Variants in TMEFF2 observed in about 807,000 individuals in gnomAD.
TMEFF2 encodes transmembrane protein with EGF like and two follistatin like domains 2.
In TMEFF2, 28 loss-of-function variants were observed where a neutral mutation model predicts 53.8. The observed-to-expected ratio is 0.52, with a 90% CI of 0.39 to 0.71. The LOEUF is 0.71. Among genes scored for constraint, TMEFF2 ranks in the 30% least tolerant of loss-of-function variants. The pLI, the probability that TMEFF2 is intolerant of heterozygous loss-of-function variation, is 0.00. For missense variants in TMEFF2, 353 were observed against 455.2 expected, an observed-to-expected ratio of 0.78 and a Z score of 2.04; for synonymous variants, 162 against 166.3, an observed-to-expected ratio of 0.97 and a Z score of 0.20.
chr2:192,062,165 A>G (rs938304299), intron 4 of TMEFF2, among the ~76,000 whole-genome samples: 13 of 152,042 alleles, frequency 8.6e-5, no homozygotes, highest in African/African-American at 2.9e-4. Flanking sequence ...TTGCCCTACC[A>G]CTACCCTGTC....
At chr2:192,150,133 G>A (rs1690349341) in intron 4 of TMEFF2, among the ~76,000 whole-genome samples, 1 of 151,816 alleles carries the variant, frequency 6.6e-6, no homozygotes, top group Non-Finnish European at 1.5e-5. Context: ...TAACTAACAA[G>A]TGAACAAATA....
At chr2:192,017,418 C>CAGG (rs1686766949) in intron 5 of TMEFF2, among the ~76,000 whole-genome samples, 1 of 152,094 alleles carries the variant, frequency 6.6e-6, no homozygotes, top group Non-Finnish European at 1.5e-5. Flanking sequence ...GAGATTGAGA[C>CAGG]AGGAAGCAGG....
chr2:192,043,153 G>T (rs1413619333), intron 5 of TMEFF2, among the ~76,000 whole-genome samples: 2 of 152,192 alleles, frequency 1.3e-5, no homozygotes, highest in Non-Finnish European at 2.9e-5. Flanking sequence ...TTCCTTGCTA[G>T]TGTTTTAGGA....
intron 3 of TMEFF2, among the ~76,000 whole-genome samples, chr2:192,182,694 T>C (rs925092355): frequency 6.6e-6 from 1 of 151,992 alleles, no homozygotes; most frequent in Admixed American, 6.6e-5. Context: ...GCAATTCTCA[T>C]GTGGCTATTG....
At chr2:191,955,604 G>C (rs1055442489) in intron 8 of TMEFF2, among the ~76,000 whole-genome samples, 6 of 131,078 alleles carry the variant, frequency 4.6e-5, no homozygotes, top group Non-Finnish European at 7.7e-5. Context: ...CTCTCACCTT[G>C]GCTTCCCAAA....
At chr2:192,168,438 T>C (rs1431354218) in intron 4 of TMEFF2, among the ~76,000 whole-genome samples, 3 of 152,066 alleles carry the variant, frequency 2.0e-5, no homozygotes, top group Non-Finnish European at 2.9e-5. Context: ...AATAAGTAAT[T>C]TGGATGTGGA....
chr2:192,051,761 A>G (rs1433526110), intron 5 of TMEFF2, among the ~76,000 whole-genome samples: 1 of 152,224 alleles, frequency 6.6e-6, no homozygotes, highest in Non-Finnish European at 1.5e-5. Context: ...TCCTAATGAC[A>G]GGGAGCTTTC....
intron 7 of TMEFF2, among the ~76,000 whole-genome samples, chr2:191,977,211 A>G (rs918415729): frequency 1.3e-5 from 2 of 152,252 alleles, no homozygotes; most frequent in Non-Finnish European, 2.9e-5. Context: ...CTTAGACGGG[A>G]GAGAGAGCAT....
chr2:192,087,057 T>C (rs972380655), intron 4 of TMEFF2, among the ~76,000 whole-genome samples: 1 of 150,308 alleles, frequency 6.7e-6, no homozygotes, highest in African/African-American at 2.4e-5. Context: ...ATTGTAAATA[T>C]TGATTTATAT....
Position 192,096,972 on chromosome 2 carries a change from G to A in TMEFF2, c.440-39197C>T, listed in dbSNP as rs190367463. Among the ~76,000 whole-genome samples, 241 of 151,780 alleles carry A rather than the reference G, an allele frequency of 1.6e-3. 1 individual carries two copies. The highest frequency in any genetic ancestry group is 5.2e-3 in the African/African-American group (214 of 41,394). On this transcript the variant is annotated intron_variant, in intron 4 of 9. Transcript: ENST00000272771. ...ATTACAGGCATGAGCCACCAGGCCC[G>A]GCCCATTTTAGTGCTATTTCTTAGT...
At chr2:192,074,516 T>G (rs955086834) in intron 4 of TMEFF2, among the ~76,000 whole-genome samples, 88 of 152,080 alleles carry the variant, frequency 5.8e-4, no homozygotes, top group African/African-American at 2.1e-3. Context: ...TTACTATTAT[T>G]AAAACAAAAC....
intron 4 of TMEFF2, among the ~76,000 whole-genome samples, chr2:192,133,433 T>C (rs1181146606): frequency 2.6e-5 from 4 of 152,182 alleles, no homozygotes; most frequent in Non-Finnish European, 5.9e-5. Context: ...TCTGAAAGGA[T>C]TAAAACCTGT....
chr2:192,090,093 G>T (rs1688757418), intron 4 of TMEFF2, among the ~76,000 whole-genome samples: 1 of 152,108 alleles, frequency 6.6e-6, no homozygotes, highest in South Asian at 2.1e-4. Flanking sequence ...ATACAAATTA[G>T]AAATGGTATA....
intron 4 of TMEFF2, among the ~76,000 whole-genome samples, chr2:192,154,160 C>T (rs1341591125): frequency 6.6e-6 from 1 of 151,848 alleles, no homozygotes; most frequent in Non-Finnish European, 1.5e-5. Flanking sequence ...GGAAATGTTA[C>T]ACTTGGCAAT....
intron 7 of TMEFF2, among the ~76,000 whole-genome samples, chr2:191,986,428 A>G (rs1207175587): frequency 1.3e-5 from 2 of 152,220 alleles, no homozygotes; most frequent in African/African-American, 2.4e-5. Flanking sequence ...ACTTTCCTCA[A>G]TAACCTATAA....
At chr2:192,012,583 C>T (rs1686654852) in intron 5 of TMEFF2, among the ~76,000 whole-genome samples, 1 of 152,162 alleles carries the variant, frequency 6.6e-6, no homozygotes, top group South Asian at 2.1e-4. Flanking sequence ...TTATGTTTTC[C>T]TTGATAAAAT....
At chr2:191,976,075 TTTGGTAA>T (rs1685718314) in intron 7 of TMEFF2, among the ~76,000 whole-genome samples, 1 of 152,228 alleles carries the variant, frequency 6.6e-6, no homozygotes, top group Non-Finnish European at 1.5e-5. Context: ...AGTCAAATAG[TTTGGTAA>T]TTGACAGTGA....
intron 4 of TMEFF2, among the ~76,000 whole-genome samples, chr2:192,172,900 A>C (rs1308995317): frequency 6.6e-6 from 1 of 151,922 alleles, no homozygotes; most frequent in African/African-American, 2.4e-5. Flanking sequence ...TTCCTTCTTG[A>C]AGTTCAAGGA....
At chr2:192,141,938 T>TA (rs1157202113) in intron 4 of TMEFF2, among the ~76,000 whole-genome samples, 4 of 152,228 alleles carry the variant, frequency 2.6e-5, no homozygotes, top group African/African-American at 9.6e-5. Flanking sequence ...AAAATTTAAC[T>TA]AAAAAATGAT....
Sources: gnomAD v4.1 joint callset for allele counts (sites outside exome capture counted in the v4.1 genomes callset) on GRCh38, gnomAD v4.1.1 for gene constraint, MANE v1.5 for transcripts, NCBI Gene and HGNC (gene_info 2026-07-23, HGNC 2026-07-21) for gene names.